Variants in PCDHGA2 observed in about 807,000 individuals in gnomAD.
PCDHGA2 encodes the protein protocadherin gamma-A2.
Under a neutral mutation model 59.2 loss-of-function variants are expected in PCDHGA2, and 40 were observed. The observed-to-expected ratio is 0.68, with a 90% CI of 0.52 to 0.88. The LOEUF (loss-of-function observed/expected upper bound fraction) is 0.88. PCDHGA2 is among the 40% of genes least tolerant of loss of function. PCDHGA2 has a pLI of 0.00. For missense variants in PCDHGA2, 1,226 were observed against 1,204.0 expected (o/e 1.02, Z -0.27); for synonymous variants, 560 against 526.0 (o/e 1.06, Z -0.89).
chr5:141,390,182 A>G (rs771358768), intron 1 of PCDHGA2: 5 of 1,613,870 alleles, frequency 3.1e-6, no homozygotes, highest in Non-Finnish European at 1.7e-6. Flanking sequence ...ATTTCCTAAA[A>G]TGTAGTGAGC....
intron 1 of PCDHGA2, chr5:141,383,573 C>T: frequency 8.1e-6 from 13 of 1,613,346 alleles, no homozygotes; most frequent in Non-Finnish European, 1.1e-5. Context: ...CGATCCAGCA[C>T]CGCCCACATC....
intron 1 of PCDHGA2, among the ~76,000 whole-genome samples, chr5:141,349,076 A>G (rs1588475545): frequency 6.6e-6 from 1 of 152,036 alleles, no homozygotes; most frequent in East Asian, 1.9e-4. Context: ...TTGGCATTAT[A>G]GAGAATGTTT....
intron 1 of PCDHGA2, chr5:141,398,674 A>T: frequency 6.2e-7 from 1 of 1,614,010 alleles, no homozygotes; most frequent in Non-Finnish European, 8.5e-7. Context: ...ATTAATAATT[A>T]AGGAGAAACA....
Position 141,491,611 on chromosome 5 carries a change from A to G in PCDHGA2, c.2425-3196A>G. The G allele has an allele frequency of 6.2e-7, 1 of 1,613,866 alleles. No individual in the cohort carries two copies. The highest frequency in any genetic ancestry group is 8.5e-7 in the Non-Finnish European group (1 of 1,180,018). Reference sequence around the variant, plus strand: ...GGACGGCAGTGACTTCACTTTTCTAAGACCCCTCAGCGTTCAGCAGCCCAC... The same window carrying G: ...GGACGGCAGTGACTTCACTTTTCTAGGACCCCTCAGCGTTCAGCAGCCCAC... On this transcript the variant is annotated intron_variant, in intron 1 of 3. Transcript: ENST00000394576. This position sits in a 1 kb window ranked among gnomAD's most constrained non-coding sequence, Gnocchi z 6.9.
chr5:141,479,568 G>A (rs553213095), intron 1 of PCDHGA2: 2 of 152,346 alleles, frequency 1.3e-5, no homozygotes, highest in East Asian at 3.9e-4. Context: ...GTAGTGGGAT[G>A]ACATCTGTGA....
chr5:141,357,486 C>T, intron 1 of PCDHGA2: 1 of 1,614,238 alleles, frequency 6.2e-7, no homozygotes, highest in South Asian at 1.1e-5. Flanking sequence ...TCACCGCGGA[C>T]TCGCGGAAGA....
chr5:141,388,118 C>G (rs771996326), intron 1 of PCDHGA2: 1 of 1,412,700 alleles, frequency 7.1e-7, no homozygotes, highest in African/African-American at 1.4e-5. Flanking sequence ...TCACCGTGAG[C>G]GCAGAGAGCG....
At chr5:141,355,175 A>G (rs369875631) in intron 1 of PCDHGA2, 1 of 1,579,066 alleles carries the variant, frequency 6.3e-7, no homozygotes, top group African/African-American at 1.4e-5. Context: ...AAACCGAAGC[A>G]CAGGCGACTC....
chr5:141,376,255 G>C, intron 1 of PCDHGA2: 1 of 1,614,256 alleles, frequency 6.2e-7, no homozygotes, highest in Non-Finnish European at 8.5e-7. Context: ...AGTCACGCCT[G>C]CTGCAGGCTT....
chr5:141,498,967 GGGAGGGAAGGAAGGAA>G (rs1333462541), intron 2 of PCDHGA2, among the ~76,000 whole-genome samples: 8 of 129,672 alleles, frequency 6.2e-5, no homozygotes, highest in East Asian at 2.2e-4. Context: ...GAGGGAGGGA[GGGAGGGAAGGAAGGAA>G]GGAAGGAAGG....
In PCDHGA2 at chr5:141,350,137, G is replaced by T. The variant is rs1758414298; in HGVS notation, c.2424+8742G>T. 1.3e-5 allele frequency: 10 copies of T among 769,996 alleles called. 1 individual carries two copies. In the South Asian group the frequency reaches 3.3e-4, roughly 26 times the overall value. 47.7% of individuals were successfully genotyped at this position (769,996 alleles called of 1,614,324 possible). A position where few individuals can be genotyped will look rare whatever the true frequency, so the allele number is the denominator to read the frequency against. ...GTCCGGTGCACTGAGCACAGACGCT[G>T]CTCCTGTTCACCCTCGAGCGCCTAA... On this transcript the variant is annotated intron_variant, in intron 1 of 3. Coordinates refer to ENST00000394576, the MANE Select transcript of PCDHGA2 (RefSeq NM_018915.4).
Position 141,431,625 on chromosome 5 carries a change from C to T in PCDHGA2, c.2425-63182C>T. The T allele has an allele frequency of 6.2e-7, 1 of 1,614,224 alleles. No individual in the cohort carries two copies. Among genetic ancestry groups the T allele is most frequent in the South Asian group, 1.1e-5 (1 of 91,082 alleles). On this transcript the variant is annotated intron_variant, in intron 1 of 3. Transcript: ENST00000394576. This position sits in a 1 kb window ranked among gnomAD's most constrained non-coding sequence, Gnocchi z 4.8. Reference sequence around the variant, plus strand: ...TTCCGGTATGTGGACGACAAGGCGGCCCAAGTTTTCAAACTAGATTGTAAT... The same window carrying T: ...TTCCGGTATGTGGACGACAAGGCGGTCCAAGTTTTCAAACTAGATTGTAAT...
rs1757033018 is a variant in PCDHGA2, at chr5:141,341,207, G to A, written c.2236G>A (p.Val746Ile). The change falls in exon 1 of 4, where the codon GTT (valine) becomes ATT (isoleucine). Residue 746 changes from valine to isoleucine, a missense_variant. Coordinates refer to ENST00000394576, the MANE Select transcript of PCDHGA2 (RefSeq NM_018915.4). ...CTCGCACTTTGTGGGCGTGGACGGG[G>A]TTCGGGCTTTCCTGCAGACCTATTC... ...QSSHFVGVDG[V>I]RAFLQTYSHE... 2.5e-6 allele frequency: 4 copies of A among 1,614,118 alleles called. No homozygotes were observed. The highest frequency in any genetic ancestry group is 3.3e-5 in the Admixed American group (2 of 60,008).
chr5:141,357,623 T>C, intron 1 of PCDHGA2: 2 of 1,613,680 alleles, frequency 1.2e-6, no homozygotes, highest in Non-Finnish European at 1.7e-6. Context: ...AATCTTCAGG[T>C]GAGTCAATCT....
intron 2 of PCDHGA2, among the ~76,000 whole-genome samples, chr5:141,496,703 GT>G (rs1360916053): frequency 6.6e-6 from 1 of 152,132 alleles, no homozygotes; most frequent in East Asian, 1.9e-4. Context: ...CTTCTCATAA[GT>G]TATCCATTAA....
At chr5:141,457,500 A>G (rs1483244745) in intron 1 of PCDHGA2, among the ~76,000 whole-genome samples, 1 of 152,244 alleles carries the variant, frequency 6.6e-6, no homozygotes, top group African/African-American at 2.4e-5. Context: ...AAATGTAGGC[A>G]AAAAGCTTAA....
At chr5:141,403,772 A>G in intron 1 of PCDHGA2, 1 of 1,613,960 alleles carries the variant, frequency 6.2e-7, no homozygotes, top group Middle Eastern at 1.7e-4. Flanking sequence ...TGAGGGAATC[A>G]ACGGAAAAGT....
At position 141,351,746 on chromosome 5, in the gene PCDHGA2, G is replaced by C. The variant is rs370474605; in HGVS notation, c.2424+10351G>C. The C allele has an allele frequency of 1.9e-6, 3 of 1,613,680 alleles. No homozygotes were observed. ...TCTGGCCAGTGACCTGGAGCCGCGG[G>C]AGCTGTTGTCCTACGTGTCCGTGAG... On this transcript the variant is annotated intron_variant, in intron 1 of 3. Coordinates refer to ENST00000394576, the MANE Select transcript of PCDHGA2 (RefSeq NM_018915.4).
At chr5:141,349,450 G>A (rs967201965) in intron 1 of PCDHGA2, among the ~76,000 whole-genome samples, 1 of 152,084 alleles carries the variant, frequency 6.6e-6, no homozygotes, top group Admixed American at 6.5e-5. Context: ...CTTCATAAAA[G>A]CATGTATGTG....
Sources: allele counts gnomAD v4.1 joint callset (sites outside exome capture counted in the v4.1 genomes callset), GRCh38; gene constraint gnomAD v4.1.1; non-coding constraint Gnocchi (gnomAD v3.1); transcripts MANE v1.5; gene names NCBI Gene and HGNC (gene_info 2026-07-23, HGNC 2026-07-21).